Variants in CDH13 observed in about 807,000 individuals in gnomAD.
The protein encoded by CDH13 is cadherin-13.
CDH13 carries 24 observed loss-of-function variants against 63.8 expected under a neutral mutation model. The observed-to-expected ratio is 0.38, with a 90% CI of 0.27 to 0.53. The LOEUF is 0.53. Among genes scored for constraint, CDH13 ranks in the 20% least tolerant of loss-of-function variants. The pLI is 0.85. For synonymous variants in CDH13, 503 were observed against 355.3 expected (o/e 1.42, Z -4.67); for missense variants, 1,049 against 903.1 (o/e 1.16, Z -2.07).
chr16:83,558,142 A>C (rs572194180), intron 7 of CDH13, among the ~76,000 whole-genome samples: 1 of 152,328 alleles, frequency 6.6e-6, no homozygotes, highest in African/African-American at 2.4e-5. Context: ...GGCTGGACAC[A>C]GTATGTCACC....
At chr16:83,602,366 G>A in intron 7 of CDH13, 88 bp from the exon 8 acceptor site, 5 of 1,326,104 alleles carry the variant, frequency 3.8e-6, no homozygotes, top group Non-Finnish European at 5.4e-6. Context: ...GAGGGGGAGA[G>A]ACAGCTCCAG....
At chr16:82,925,794 C>T (rs926145698) in intron 2 of CDH13, among the ~76,000 whole-genome samples, 3 of 152,184 alleles carry the variant, frequency 2.0e-5, no homozygotes, top group Non-Finnish European at 4.4e-5. Context: ...CAATAATATA[C>T]CATATCTTGA....
chr16:83,025,761 T>C (rs1915744539), intron 2 of CDH13, among the ~76,000 whole-genome samples: 1 of 152,074 alleles, frequency 6.6e-6, no homozygotes, highest in Non-Finnish European at 1.5e-5. Flanking sequence ...GGCATGCCAG[T>C]CCCCAACCTC....
At chr16:83,433,354 A>G (rs1322646636) in intron 6 of CDH13, among the ~76,000 whole-genome samples, 1 of 152,214 alleles carries the variant, frequency 6.6e-6, no homozygotes, top group African/African-American at 2.4e-5. Flanking sequence ...AGTAGTTCCA[A>G]TGAGTCAGCA....
chr16:82,835,184 C>T (rs903253716), intron 1 of CDH13, among the ~76,000 whole-genome samples: 9 of 152,122 alleles, frequency 5.9e-5, no homozygotes, highest in African/African-American at 2.2e-4. Context: ...CTTTAAAATC[C>T]AGTGTGCATT....
chr16:83,206,787 G>A (rs1304008048), intron 4 of CDH13, among the ~76,000 whole-genome samples: 2 of 152,160 alleles, frequency 1.3e-5, no homozygotes, highest in African/African-American at 2.4e-5. Flanking sequence ...GACTTGGGGG[G>A]ACCCATTATT....
Position 83,052,201 on chromosome 16 carries a change from T to G in CDH13, c.366+19983T>G, listed in dbSNP as rs556106223. Among the ~76,000 whole-genome samples, 504 of 152,322 alleles carry G rather than the reference T, an allele frequency of 3.3e-3. 6 individuals are homozygous for G. The highest frequency in any genetic ancestry group is 0.012 in the African/African-American group (479 of 41,576). On this transcript the variant is annotated intron_variant, in intron 3 of 13. Coordinates refer to ENST00000567109, the MANE Select transcript of CDH13 (RefSeq NM_001257.5). ...GAGCAAGAAGTAGTAAATGCCTCAT[T>G]ATCCTTTCAGAGCACCTAATGATAC...
At chr16:82,764,479 A>G (rs1277997313) in intron 1 of CDH13, among the ~76,000 whole-genome samples, 2 of 152,286 alleles carry the variant, frequency 1.3e-5, no homozygotes, top group East Asian at 3.9e-4. Context: ...TGGGGGTGGG[A>G]GGGAAGCAGA....
intron 1 of CDH13, among the ~76,000 whole-genome samples, chr16:82,734,729 G>A (rs72837601): frequency 0.027 from 4,061 of 152,276 alleles, 99 homozygotes; most frequent in Non-Finnish European, 0.037. Context: ...CTTCAGAATT[G>A]ACCCTGTTTG....
intron 2 of CDH13, among the ~76,000 whole-genome samples, chr16:82,989,379 C>G: frequency 6.6e-6 from 1 of 152,110 alleles, no homozygotes; most frequent in East Asian, 1.9e-4. Flanking sequence ...TGTGGAGGTG[C>G]TGTTCTGCCT....
intron 4 of CDH13, among the ~76,000 whole-genome samples, chr16:83,203,303 T>A (rs963275720): frequency 2.2e-4 from 33 of 152,088 alleles, no homozygotes; most frequent in African/African-American, 8.0e-4. Context: ...GATGGGATAA[T>A]TAGAAGCCAA....
At chr16:82,704,415 C>T (rs910991888) in intron 1 of CDH13, among the ~76,000 whole-genome samples, 5 of 152,190 alleles carry the variant, frequency 3.3e-5, no homozygotes, top group African/African-American at 9.7e-5. Flanking sequence ...GGATGTTCTT[C>T]ATTTATTCAT....
intron 5 of CDH13, among the ~76,000 whole-genome samples, chr16:83,322,758 C>T (rs1473402090): frequency 6.6e-6 from 1 of 152,054 alleles, no homozygotes; most frequent in East Asian, 1.9e-4. Flanking sequence ...GTCTATGACT[C>T]TACAGTCATT....
intron 5 of CDH13, among the ~76,000 whole-genome samples, chr16:83,239,505 C>T (rs1047101333): frequency 6.7e-6 from 1 of 149,524 alleles, no homozygotes; most frequent in African/African-American, 2.5e-5. Flanking sequence ...CTGGGGGCAT[C>T]ATGCTGGGTA....
intron 1 of CDH13, among the ~76,000 whole-genome samples, chr16:82,730,477 AT>A (rs2033342533): frequency 6.6e-6 from 1 of 152,178 alleles, no homozygotes; most frequent in African/African-American, 2.4e-5. Flanking sequence ...ACATTTACCT[AT>A]TACGTTAGCC....
chr16:83,221,273 C>A (rs2039692912), intron 5 of CDH13, among the ~76,000 whole-genome samples: 1 of 152,112 alleles, frequency 6.6e-6, no homozygotes, highest in East Asian at 1.9e-4. Flanking sequence ...AAAAACCATC[C>A]ATTTCCGTGA....
chr16:82,650,883 G>A (rs1449238743), intron 1 of CDH13, among the ~76,000 whole-genome samples: 2 of 152,236 alleles, frequency 1.3e-5, no homozygotes, highest in Non-Finnish European at 2.9e-5. Context: ...GCAGTAAACA[G>A]TTTAAATTGG....
intron 1 of CDH13, among the ~76,000 whole-genome samples, chr16:82,699,881 G>A (rs2150988878): frequency 6.6e-6 from 1 of 152,362 alleles, no homozygotes; most frequent in Admixed American, 6.5e-5. Flanking sequence ...CCACATGGGT[G>A]ACACTGATGC....
chr16:83,629,583 G>A (rs2150790709), intron 8 of CDH13, among the ~76,000 whole-genome samples: 1 of 152,286 alleles, frequency 6.6e-6, no homozygotes. Flanking sequence ...AAATTCATAA[G>A]CTATTTCTCA....
Sources: gnomAD v4.1 joint callset for allele counts (sites outside exome capture counted in the v4.1 genomes callset) on GRCh38, gnomAD v4.1.1 for gene constraint, MANE v1.5 for transcripts, NCBI Gene and HGNC (gene_info 2026-07-23, HGNC 2026-07-21) for gene names.